CSMD1: variants seen among roughly 807,000 people sequenced by gnomAD.
CSMD1 encodes the protein CUB and Sushi multiple domains 1, also known as CUB and sushi domain-containing protein 1.
CSMD1 carries 213 observed loss-of-function variants against 417.5 expected under a neutral mutation model. That is an observed-to-expected ratio of 0.51 (90% confidence interval 0.46 to 0.57). The LOEUF (loss-of-function observed/expected upper bound fraction) is 0.57. CSMD1 is among the 20% of genes least tolerant of loss of function. The pLI, the probability that CSMD1 is intolerant of heterozygous loss-of-function variation, is 0.00. For synonymous variants in CSMD1, 2,862 were observed against 1,736.8 expected, an observed-to-expected ratio of 1.65 and a Z score of -16.11; for missense variants, 6,923 against 4,529.7, an observed-to-expected ratio of 1.53 and a Z score of -15.17.
intron 1 of CSMD1, among the ~76,000 whole-genome samples, chr8:4,857,881 A>T (rs950563672): frequency 2.0e-5 from 3 of 151,764 alleles, no homozygotes; most frequent in Non-Finnish European, 4.4e-5. Flanking sequence ...TCCAATCAAT[A>T]GAAAAAGAGG....
chr8:4,280,671 T>C (rs1585150046), intron 3 of CSMD1, among the ~76,000 whole-genome samples: 2 of 152,214 alleles, frequency 1.3e-5, no homozygotes, highest in African/African-American at 4.8e-5. Context: ...GCTCACAAAA[T>C]GCTAACCTTG....
At chr8:4,014,579 T>C (rs1255220266) in intron 4 of CSMD1, among the ~76,000 whole-genome samples, 1 of 152,228 alleles carries the variant, frequency 6.6e-6, no homozygotes, top group Non-Finnish European at 1.5e-5. Flanking sequence ...TCATCTCATC[T>C]AATCTTTATC....
chr8:3,951,594 G>C (rs948070719), intron 5 of CSMD1, among the ~76,000 whole-genome samples: 1 of 151,982 alleles, frequency 6.6e-6, no homozygotes, highest in Admixed American at 6.6e-5. Context: ...AAAACAACGA[G>C]AGAAATACTA....
At chr8:4,959,433 T>G (rs1353315943) in intron 1 of CSMD1, among the ~76,000 whole-genome samples, 1 of 152,240 alleles carries the variant, frequency 6.6e-6, no homozygotes, top group Non-Finnish European at 1.5e-5. Context: ...GGAAAGCAAC[T>G]AGTTGGGTAG....
intron 2 of CSMD1, among the ~76,000 whole-genome samples, chr8:4,492,143 C>G (rs962509349): frequency 2.0e-5 from 3 of 152,160 alleles, no homozygotes; most frequent in African/African-American, 7.2e-5. Flanking sequence ...ATTGTCCACG[C>G]TAGAGCACAG....
At chr8:3,924,895 T>G (rs1280737358) in intron 5 of CSMD1, among the ~76,000 whole-genome samples, 1 of 152,200 alleles carries the variant, frequency 6.6e-6, no homozygotes, top group Non-Finnish European at 1.5e-5. Flanking sequence ...GTGCTTTGTT[T>G]TGCTATTTTG....
intron 1 of CSMD1, among the ~76,000 whole-genome samples, chr8:4,939,644 G>C (rs903453361): frequency 1.3e-5 from 2 of 152,146 alleles, no homozygotes; most frequent in Non-Finnish European, 1.5e-5. Flanking sequence ...GGCTGGGGGT[G>C]AGTGGGAAGG....
In CSMD1 at chr8:3,107,768, G is replaced by T. The variant is rs747584642; in HGVS notation, c.6785C>A (p.Pro2262Gln). The stretch of plus-strand genomic sequence containing the variant: ...AAGCATTTCTGCCTGTGGAACCGCT[G>T]GGGGAGGTTGACATTTCTTGAGCTG... Reference protein sequence around the residue: ...AFQLKKCQPPPAVPQAEMLTE... With the variant: ...AFQLKKCQPPQAVPQAEMLTE... The change falls in exon 45 of 70, where the codon CCA becomes CAA. Residue 2262 changes from proline (P) to glutamine (Q), a missense_variant. Coordinates refer to ENST00000635120, the MANE Select transcript of CSMD1 (RefSeq NM_033225.6). 1 of 1,586,658 alleles carries T rather than the reference G, an allele frequency of 6.3e-7. No individual in the cohort carries two copies. Among genetic ancestry groups the T allele is most frequent in the Non-Finnish European group, 8.5e-7 (1 of 1,171,234 alleles).
rs1809862150 is a variant in CSMD1 at position 3,370,221 on chromosome 8, T to A, written c.2783-851A>T. 3.3e-5 allele frequency among the ~76,000 whole-genome samples: 5 copies of A among 152,334 alleles called. No individual in the cohort carries two copies. The South Asian group carries it at 1.0e-3, about 32-fold the overall frequency. On this transcript the variant is annotated intron_variant, in intron 18 of 69. Coordinates refer to ENST00000635120, the MANE Select transcript of CSMD1 (RefSeq NM_033225.6). Reference sequence around the variant, plus strand: ...GAATATTGACACGTTCCCGCCAACTTTCTTCTTTTATTTCATATCTTAAGA... The same window carrying A: ...GAATATTGACACGTTCCCGCCAACTATCTTCTTTTATTTCATATCTTAAGA...
intron 3 of CSMD1, among the ~76,000 whole-genome samples, chr8:4,271,098 C>T (rs1804563737): frequency 6.6e-6 from 1 of 152,200 alleles, no homozygotes; most frequent in South Asian, 2.1e-4. Context: ...TCAAAGTCCA[C>T]TCCTTTTATT....
chr8:3,703,110 G>C (rs532414448), intron 7 of CSMD1, among the ~76,000 whole-genome samples: 1 of 152,188 alleles, frequency 6.6e-6, no homozygotes, highest in South Asian at 2.1e-4. Context: ...ATATCTTTGG[G>C]TTTTTCTTCA....
At chr8:4,263,361 G>T (rs1399947332) in intron 3 of CSMD1, among the ~76,000 whole-genome samples, 1 of 152,094 alleles carries the variant, frequency 6.6e-6, no homozygotes, top group Admixed American at 6.6e-5. Context: ...TGAACAAACT[G>T]CAACAGAATA....
At chr8:3,172,330 G>GT (rs780332420) in intron 37 of CSMD1, among the ~76,000 whole-genome samples, 33 of 151,986 alleles carry the variant, frequency 2.2e-4, no homozygotes, top group African/African-American at 8.0e-4. Flanking sequence ...TGGCTACAGC[G>GT]TTTTTTTCCT....
chr8:4,332,493 G>A (rs180948144), intron 3 of CSMD1, among the ~76,000 whole-genome samples: 73 of 151,018 alleles, frequency 4.8e-4, no homozygotes, highest in African/African-American at 1.7e-3. Flanking sequence ...ACAGATAGGA[G>A]CTCTTCTTCT....
chr8:4,600,968 T>TC (rs1800548287), intron 2 of CSMD1, among the ~76,000 whole-genome samples: 1 of 151,676 alleles, frequency 6.6e-6, no homozygotes, highest in Non-Finnish European at 1.5e-5. Flanking sequence ...TTTTTTTTTT[T>TC]TTTTTGAGAT....
rs557952268 is a variant in CSMD1, at chr8:4,217,157, A to T, written c.416-185058T>A. Among the ~76,000 whole-genome samples the T allele has an allele frequency of 1.0e-3, 156 of 152,328 alleles. 2 individuals are homozygous for T. In the South Asian group the frequency reaches 0.016, roughly 15 times the overall value. ...TACTTTGTAGAAAAGCCCAGAAATA[A>T]CTACTGAATACTTTTCATGCCGCTG... On this transcript the variant is annotated intron_variant, in intron 3 of 69. Transcript: ENST00000635120.
At chr8:3,946,422 G>C (rs1585013382) in intron 5 of CSMD1, among the ~76,000 whole-genome samples, 1 of 151,934 alleles carries the variant, frequency 6.6e-6, no homozygotes, top group Non-Finnish European at 1.5e-5. Flanking sequence ...GCATCACCTT[G>C]GCTACTTTAG....
At chr8:4,602,720 G>A (rs1050535297) in intron 2 of CSMD1, among the ~76,000 whole-genome samples, 1 of 152,020 alleles carries the variant, frequency 6.6e-6, no homozygotes, top group Non-Finnish European at 1.5e-5. Flanking sequence ...TTATCTACAA[G>A]GAAGCCACCA....
intron 3 of CSMD1, among the ~76,000 whole-genome samples, chr8:4,101,096 T>C (rs1801281309): frequency 6.6e-6 from 1 of 152,196 alleles, no homozygotes; most frequent in South Asian, 2.1e-4. Flanking sequence ...ACTATGCATC[T>C]ACCGGTTAAC....
Sources: gnomAD v4.1 joint callset for allele counts (sites outside exome capture counted in the v4.1 genomes callset) on GRCh38, gnomAD v4.1.1 for gene constraint, MANE v1.5 for transcripts, NCBI Gene and HGNC (gene_info 2026-07-23, HGNC 2026-07-21) for gene names.